TLR2: variants seen among roughly 807,000 people sequenced by gnomAD.
TLR2 encodes the protein toll like receptor 2.
TLR2 carries 7 observed loss-of-function variants against 9.1 expected under a neutral mutation model. That is an observed-to-expected ratio of 0.77 (90% confidence interval 0.44 to 1.44). The LOEUF (loss-of-function observed/expected upper bound fraction) is 1.44, where lower values mean the gene tolerates loss of function less well. TLR2 is among the 40% of genes most tolerant of loss of function. TLR2 has a pLI of 0.01. For missense variants in TLR2, 812 were observed against 904.6 expected (o/e 0.90, Z 1.31); for synonymous variants, 317 against 344.6 (o/e 0.92, Z 0.89).
Position 153,703,368 on chromosome 4 carries a change from T to C in TLR2, c.461T>C (p.Leu154Pro), listed in dbSNP as rs1418226434. 6.2e-7 allele frequency: 1 copy of C among 1,614,020 alleles called. No individual in the cohort carries two copies. The change falls in exon 3 of 3, where the codon CTG becomes CCG. Residue 154 changes from leucine to proline, a missense_variant. Coordinates refer to ENST00000642700, the MANE Select transcript of TLR2 (RefSeq NM_001318789.2). ...LFSHLTKLQI[L>P]RVGNMDTFTK... Reference sequence around the variant, plus strand: ...TCTCATCTCACAAAATTGCAAATCCTGAGAGTGGGAAATATGGACACCTTC... The same window carrying C: ...TCTCATCTCACAAAATTGCAAATCCCGAGAGTGGGAAATATGGACACCTTC...
chr4:153,704,048 G>C lies in TLR2; in HGVS notation c.1141G>C (p.Ala381Pro). Reference protein sequence around the residue: ...LMVEEYLKNSACEDAWPSLQT... With the variant: ...LMVEEYLKNSPCEDAWPSLQT... ...GGTTGAAGAATACTTGAAAAATTCA[G>C]CCTGTGAGGATGCCTGGCCCTCTCT... The change falls in exon 3 of 3, where the codon GCC becomes CCC. Residue 381 changes from alanine to proline, a missense_variant. By Grantham distance (27) the Ala-to-Pro change is conservative. Transcript: ENST00000642700. 2 of 1,614,138 alleles carry C rather than the reference G, an allele frequency of 1.2e-6. No individual in the cohort carries two copies. The highest frequency in any genetic ancestry group is 1.7e-6 in the Non-Finnish European group (2 of 1,180,016).
chr4:153,696,876 G>C (rs1216947574), intron 2 of TLR2, among the ~76,000 whole-genome samples: 1 of 151,138 alleles, frequency 6.6e-6, no homozygotes, highest in African/African-American at 2.4e-5. Flanking sequence ...AAAAAAAAAG[G>C]AATTCTAATT....
At chr4:153,692,935 A>G (rs888682236) in intron 2 of TLR2, among the ~76,000 whole-genome samples, 2 of 152,166 alleles carry the variant, frequency 1.3e-5, no homozygotes, top group Non-Finnish European at 2.9e-5. Flanking sequence ...CAAACTTTTA[A>G]ATTTCTTTCC....
At position 153,691,681 on chromosome 4, in the gene TLR2, G is replaced by T. The variant is rs142318954; in HGVS notation, c.-17+3634G>T. Among the ~76,000 whole-genome samples, 307 of 152,268 alleles carry T rather than the reference G, an allele frequency of 2.0e-3. 1 individual carries two copies. Among genetic ancestry groups the T allele is most frequent in the African/African-American group, 6.7e-3 (280 of 41,544 alleles). On this transcript the variant is annotated intron_variant, in intron 2 of 2. Transcript: ENST00000642700. ...GAGACTAGGATCTCCTCTAAGGATAGAAAATAGATTACTCAGGGCATAGGT... is the reference window on the plus strand; with the variant it reads ...GAGACTAGGATCTCCTCTAAGGATATAAAATAGATTACTCAGGGCATAGGT...
rs1737021735 is a variant in TLR2 at position 153,702,989 on chromosome 4, C to T, written c.82C>T (p.Leu28=). 6.2e-7 allele frequency: 1 copy of T among 1,614,074 alleles called. No homozygotes were observed. The highest frequency in any genetic ancestry group is 8.5e-7 in the Non-Finnish European group (1 of 1,180,020). The stretch of plus-strand genomic sequence containing the variant: ...GGAAGAATCCTCCAATCAGGCTTCT[C>T]TGTCTTGTGACCGCAATGGTATCTG... The part of the protein sequence containing the change: ...SKEESSNQAS[L]SCDRNGICKG... The change falls in exon 3 of 3, where the codon CTG becomes TTG. Residue 28 remains leucine, a synonymous_variant. Coordinates refer to ENST00000642700, the MANE Select transcript of TLR2 (RefSeq NM_001318789.2).
At chr4:153,685,026 G>C (rs1310130042) in intron 1 of TLR2, among the ~76,000 whole-genome samples, 1 of 152,028 alleles carries the variant, frequency 6.6e-6, no homozygotes, top group African/African-American at 2.4e-5. Flanking sequence ...TTTGGTCACC[G>C]TGGCTCAGAG....
Position 153,704,211 on chromosome 4 carries a change from C to T in TLR2, c.1304C>T (p.Pro435Leu). The change falls in exon 3 of 3, where the codon CCA (proline) becomes CTA (leucine). Residue 435 changes from proline to leucine, a missense_variant. Transcript: ENST00000642700. The stretch of plus-strand genomic sequence containing the variant: ...TCTATGCCTGAAACTTGTCAGTGGC[C>T]AGAAAAGATGAAATATTTGAACTTA... ...FHSMPETCQWPEKMKYLNLSS... is the reference protein window; with the variant it reads ...FHSMPETCQWLEKMKYLNLSS... 6.2e-7 allele frequency: 1 copy of T among 1,614,108 alleles called. No individual in the cohort carries two copies. The highest frequency in any genetic ancestry group is 8.5e-7 in the Non-Finnish European group (1 of 1,180,030).
chr4:153,705,442 A>G lies in TLR2; in HGVS notation c.*180A>G. The G allele has an allele frequency of 1.6e-6, 1 of 618,590 alleles. No individual in the cohort carries two copies. The highest frequency in any genetic ancestry group is 2.6e-6 in the Non-Finnish European group (1 of 388,824). 38.3% of individuals were successfully genotyped at this position (618,590 alleles called of 1,614,324 possible). On this transcript the variant is annotated 3_prime_UTR_variant, in exon 3 of 3. Transcript: ENST00000642700. ...GGGTGCTGTTTTATAAACATATGCC[A>G]GATTTAAAAATTGGTTTTTGGTTTT...
At position 153,704,348 on chromosome 4, in the gene TLR2, G is replaced by T; in HGVS notation, c.1441G>T (p.Glu481Ter). The T allele has an allele frequency of 1.2e-6, 2 of 1,613,752 alleles. No homozygotes were observed. Among genetic ancestry groups the T allele is most frequent in the South Asian group, 1.1e-5 (1 of 90,970 alleles). Residue 481 changes from glutamate to a stop codon, truncating the protein, a stop_gained, in exon 3 of 3, where the codon GAA (glutamate) becomes TAA (stop). Transcript: ENST00000642700. LOFTEE classifies it low-confidence loss of function (END_TRUNC). ...LFSLNLPQLK[E>*]LYISRNKLMT... The stretch of plus-strand genomic sequence containing the variant: ...TTCTTTGAATTTGCCGCAACTCAAA[G>T]AACTTTATATTTCCAGAAATAAGTT...
chr4:153,690,147 T>C (rs1460463265), intron 2 of TLR2, among the ~76,000 whole-genome samples: 1 of 152,238 alleles, frequency 6.6e-6, no homozygotes, highest in Admixed American at 6.5e-5. Flanking sequence ...AAGCCAGTTG[T>C]TCTGCTTCTG....
chr4:153,690,622 A>G (rs1224529867), intron 2 of TLR2, among the ~76,000 whole-genome samples: 3 of 152,228 alleles, frequency 2.0e-5, no homozygotes, highest in Non-Finnish European at 4.4e-5. Context: ...GCTAAAGATA[A>G]TTAGGTTCCA....
At chr4:153,710,362 T>G, downstream of TLR2, 1 of 1,550,014 alleles carries the variant, frequency 6.5e-7, no homozygotes, top group Non-Finnish European at 8.7e-7. Flanking sequence ...TTCTGGGGTC[T>G]GCTGTCCTAT....
rs974952371 is a variant in TLR2, at chr4:153,684,548, G to T, written c.-163+188G>T. 1.2e-4 allele frequency among the ~76,000 whole-genome samples: 18 copies of T among 152,344 alleles called. No homozygotes were observed. The East Asian group carries it at 3.3e-3, about 28-fold the overall frequency. ...GGGAAGCGCACCAGGCCCCCGGGAC[G>T]CCGGTGCTTCTTTGCACGGCCCAGC... On this transcript the variant is annotated intron_variant, in intron 1 of 2. Transcript: ENST00000642700.
In TLR2 at chr4:153,704,581, G is replaced by C. The variant is rs754397380; in HGVS notation, c.1674G>C (p.Trp558Cys). 6 of 1,613,554 alleles carry C rather than the reference G, an allele frequency of 3.7e-6. No homozygotes were observed. Among genetic ancestry groups the C allele is most frequent in the Non-Finnish European group, 5.1e-6 (6 of 1,179,986 alleles). The change falls in exon 3 of 3, where the codon TGG becomes TGC. Residue 558 changes from tryptophan to cysteine, a missense_variant. Coordinates refer to ENST00000642700, the MANE Select transcript of TLR2 (RefSeq NM_001318789.2). ...CACTGGCCAAAGTCTTGATTGATTG[G>C]CCAGCAAATTACCTGTGTGACTCTC... ...QQALAKVLID[W>C]PANYLCDSPS... is the part of the protein sequence containing the mutation.
chr4:153,686,948 T>C (rs1735749748), intron 1 of TLR2, among the ~76,000 whole-genome samples: 1 of 152,080 alleles, frequency 6.6e-6, no homozygotes, highest in Non-Finnish European at 1.5e-5. Context: ...ATAGAGTAAA[T>C]TGCAATACAT....
chr4:153,699,081 G>C (rs916040091), intron 2 of TLR2, among the ~76,000 whole-genome samples: 2 of 152,098 alleles, frequency 1.3e-5, no homozygotes, highest in Non-Finnish European at 2.9e-5. Context: ...CTAATTGTTG[G>C]TAGCCTCCAT....
At chr4:153,690,778 A>G (rs184181494) in intron 2 of TLR2, among the ~76,000 whole-genome samples, 111 of 152,344 alleles carry the variant, frequency 7.3e-4, no homozygotes, top group Non-Finnish European at 1.8e-4. Context: ...TTAAATTGTG[A>G]AAGTGTCTAG....
At chr4:153,710,430 G>A (rs1311970979), downstream of TLR2, 1 of 1,592,694 alleles carries the variant, frequency 6.3e-7, no homozygotes, top group East Asian at 2.2e-5. Context: ...AGGTTGCCAG[G>A]CCACCAAATA....
rs758648415 is a variant in TLR2 at position 153,703,090 on chromosome 4, C to G, written c.183C>G (p.Asn61Lys). The G allele has an allele frequency of 6.2e-7, 1 of 1,614,138 alleles. No individual in the cohort carries two copies. Among genetic ancestry groups the G allele is most frequent in the Non-Finnish European group, 8.5e-7 (1 of 1,180,030 alleles). The change falls in exon 3 of 3, where the codon AAC (asparagine) becomes AAG (lysine). Residue 61 changes from asparagine to lysine, a missense_variant. Physicochemically the swap from Asn to Lys is moderately conservative, Grantham distance 94. Coordinates refer to ENST00000642700, the MANE Select transcript of TLR2 (RefSeq NM_001318789.2). ...TEAVKSLDLS[N>K]NRITYISNSD... ...CTGTAAAAAGCCTTGACCTGTCCAA[C>G]AACAGGATCACCTACATTAGCAACA...
Sources: gnomAD v4.1 joint callset for allele counts (sites outside exome capture counted in the v4.1 genomes callset) on GRCh38, gnomAD v4.1.1 for gene constraint, MANE v1.5 for transcripts, NCBI Gene and HGNC (gene_info 2026-07-23, HGNC 2026-07-21) for gene names.